Variants in IFT81 observed in about 807,000 individuals in gnomAD.
IFT81 encodes the protein intraflagellar transport 81, also known as intraflagellar transport protein 81 homolog.
In IFT81, 72 loss-of-function variants were observed where a neutral mutation model predicts 102.6. The ratio of observed to expected loss-of-function variants is 0.70; its 90% CI spans 0.58 to 0.85. IFT81 has a LOEUF of 0.85. Among genes scored for constraint, IFT81 ranks in the 40% least tolerant of loss-of-function variants. IFT81 has a pLI of 0.00. For missense variants in IFT81, 723 were observed against 787.3 expected, an observed-to-expected ratio of 0.92 and a Z score of 0.98; for synonymous variants, 237 against 242.7, an observed-to-expected ratio of 0.98 and a Z score of 0.22.
chr12:110,205,487 A>G lies in IFT81; in HGVS notation c.1689A>G (p.Arg563=). 4 of 1,603,642 alleles carry G rather than the reference A, an allele frequency of 2.5e-6. No individual in the cohort carries two copies. The highest frequency in any genetic ancestry group is 3.4e-6 in the Non-Finnish European group (4 of 1,176,206). Residue 563 remains arginine (R), a synonymous_variant, in exon 16 of 19, where the codon AGA becomes AGG. Coordinates refer to ENST00000242591, the MANE Select transcript of IFT81 (RefSeq NM_014055.4). ...AAGAATGTCTTCAAGAAGAAAGTAGATACCATTATACAAATTGTATGATTA... is the reference window on the plus strand; with the variant it reads ...AAGAATGTCTTCAAGAAGAAAGTAGGTACCATTATACAAATTGTATGATTA... ...LREECLQEES[R]YHYTNCMIKN...
At chr12:110,202,987 T>C (rs1256133368) in intron 14 of IFT81, among the ~76,000 whole-genome samples, 1 of 152,068 alleles carries the variant, frequency 6.6e-6, no homozygotes, top group African/African-American at 2.4e-5. Flanking sequence ...CAGCATAGGC[T>C]GGGTGCGGTG....
rs766362330 is a variant in IFT81 at position 110,134,902 on chromosome 12, G to C, written c.520-46G>C. Reference sequence around the variant, plus strand: ...AATAAAACCTTATCTGTTTCCTACAGACTGAGAATACTTTTTCTTATAAGG... The same window carrying C: ...AATAAAACCTTATCTGTTTCCTACACACTGAGAATACTTTTTCTTATAAGG... On this transcript the variant is annotated intron_variant, in intron 5 of 18. Coordinates refer to ENST00000242591, the MANE Select transcript of IFT81 (RefSeq NM_014055.4). The C allele has an allele frequency of 7.2e-6, 10 of 1,393,046 alleles. No individual in the cohort carries two copies. The Admixed American group carries it at 1.8e-4, about 25-fold the overall frequency. The allele number at this position is 1,393,046 out of a possible 1,614,324, so 86.3% of individuals were successfully genotyped here.
intron 14 of IFT81, among the ~76,000 whole-genome samples, chr12:110,198,215 C>T (rs1898100329): frequency 6.6e-6 from 1 of 150,896 alleles, no homozygotes; most frequent in South Asian, 2.1e-4. Context: ...TGAGTGTGCG[C>T]GTATGTGTGT....
At chr12:110,124,979 T>G (rs1893743581) in intron 1 of IFT81, 118 bp downstream of exon 1, 1 of 152,208 alleles carries the variant, frequency 6.6e-6, no homozygotes, top group South Asian at 2.1e-4. Context: ...TCAGTACATC[T>G]TTGTCCTTAT....
chr12:110,129,938 C>T (rs1482687846), intron 4 of IFT81, among the ~76,000 whole-genome samples: 1 of 151,772 alleles, frequency 6.6e-6, no homozygotes, highest in Non-Finnish European at 1.5e-5. Flanking sequence ...AATAGTTTGT[C>T]AATCTGTCTT....
At chr12:110,186,949 TTTTC>T (rs900060819) in intron 12 of IFT81, among the ~76,000 whole-genome samples, 2 of 152,162 alleles carry the variant, frequency 1.3e-5, no homozygotes, top group African/African-American at 4.8e-5. Context: ...GTGTTTTTCT[TTTTC>T]TTTTTTTCAT....
intron 11 of IFT81, among the ~76,000 whole-genome samples, chr12:110,179,767 T>TACACACACAC (rs1201027708): frequency 1.5e-5 from 1 of 66,820 alleles, no homozygotes; most frequent in Admixed American, 1.7e-4. Context: ...TATATATATA[T>TACACACACAC]ATATATACAC....
At chr12:110,163,950 G>C (rs895045439) in intron 11 of IFT81, among the ~76,000 whole-genome samples, 1 of 151,712 alleles carries the variant, frequency 6.6e-6, no homozygotes, top group Non-Finnish European at 1.5e-5. Flanking sequence ...AATTTATATT[G>C]GATTTAATTA....
rs770636591 is a variant in IFT81 at position 110,203,951 on chromosome 12, G to C, written c.1644+1G>C. The stretch of plus-strand genomic sequence containing the variant: ...AAGCAATCGGTCCAAATTAGAACAG[G>C]TAAGAAGAGAGTTTTTATTTTAACA... On this transcript the variant is annotated splice_donor_variant, in intron 15 of 18. Coordinates refer to ENST00000242591, the MANE Select transcript of IFT81 (RefSeq NM_014055.4). LOFTEE classifies it high-confidence loss of function. 6.2e-7 allele frequency: 1 copy of C among 1,601,610 alleles called. No individual in the cohort carries two copies. The highest frequency in any genetic ancestry group is 1.3e-5 in the African/African-American group (1 of 74,628).
At chr12:110,137,768 G>A (rs976056633) in intron 8 of IFT81, among the ~76,000 whole-genome samples, 4 of 151,150 alleles carry the variant, frequency 2.6e-5, no homozygotes, top group Non-Finnish European at 5.9e-5. Flanking sequence ...AATAAATAAA[G>A]GACTTAGCAT....
intron 12 of IFT81, among the ~76,000 whole-genome samples, chr12:110,186,192 T>A (rs1897520179): frequency 6.6e-6 from 1 of 152,234 alleles, no homozygotes; most frequent in African/African-American, 2.4e-5. Context: ...TTTAATTCCA[T>A]TGTCTTCTGA....
chr12:110,160,037 C>A (rs57530940), intron 10 of IFT81, among the ~76,000 whole-genome samples: 5 of 152,110 alleles, frequency 3.3e-5, no homozygotes, highest in Non-Finnish European at 5.9e-5. Context: ...TTGGGTGCTT[C>A]CTACTCCACC....
rs1894009858 is a variant in IFT81, at chr12:110,128,965, G to C, written c.264G>C (p.Gln88His). 4.3e-6 allele frequency: 7 copies of C among 1,613,506 alleles called. No individual in the cohort carries two copies. The highest frequency in any genetic ancestry group is 5.9e-6 in the Non-Finnish European group (7 of 1,179,784). Residue 88 changes from glutamine to histidine, a missense_variant, in exon 4 of 19, where the codon CAG becomes CAC. Coordinates refer to ENST00000242591, the MANE Select transcript of IFT81 (RefSeq NM_014055.4). ...TCTCTCTTAGGAGTACTTTTCGTCAGGGTTTGGTGATTGGAAGTAAACCTG... is the reference window on the plus strand; with the variant it reads ...TCTCTCTTAGGAGTACTTTTCGTCACGGTTTGGTGATTGGAAGTAAACCTG... ...GNATDMSTFR[Q>H]GLVIGSKPVI...
chr12:110,130,083 T>A (rs991993893), intron 4 of IFT81, among the ~76,000 whole-genome samples: 1 of 152,222 alleles, frequency 6.6e-6, no homozygotes, highest in Non-Finnish European at 1.5e-5. Context: ...TGAATATTTT[T>A]ATTTTTATCC....
intron 14 of IFT81, among the ~76,000 whole-genome samples, chr12:110,199,275 G>A (rs988164589): frequency 6.6e-6 from 1 of 151,916 alleles, no homozygotes; most frequent in African/African-American, 2.4e-5. Flanking sequence ...TCCCTTACAT[G>A]TTTTATACTT....
intron 13 of IFT81, among the ~76,000 whole-genome samples, chr12:110,191,873 T>C (rs1425699442): frequency 2.0e-5 from 3 of 151,986 alleles, no homozygotes; most frequent in African/African-American, 7.3e-5. Flanking sequence ...AAGGTTAGCA[T>C]GTAAGACCCT....
At chr12:110,153,338 G>A (rs866104248) in intron 10 of IFT81, among the ~76,000 whole-genome samples, 11 of 151,712 alleles carry the variant, frequency 7.3e-5, no homozygotes, top group Admixed American at 1.3e-4. Context: ...AGGTTTAAGC[G>A]ATTCTCCTGC....
chr12:110,214,090 A>G (rs548719915), intron 18 of IFT81, among the ~76,000 whole-genome samples: 1 of 152,336 alleles, frequency 6.6e-6, no homozygotes, highest in South Asian at 2.1e-4. Context: ...TACTGGGAGA[A>G]TAGTGAATTC....
At chr12:110,174,277 C>CAAAAAAAAAA (rs61353726) in intron 11 of IFT81, among the ~76,000 whole-genome samples, 1 of 35,256 alleles carries the variant, frequency 2.8e-5, no homozygotes, top group African/African-American at 1.1e-4. Context: ...GACTCCGTCT[C>CAAAAAAAAAA]AAAAAAAAAA....
Sources: gnomAD v4.1 joint callset for allele counts (sites outside exome capture counted in the v4.1 genomes callset) on GRCh38, gnomAD v4.1.1 for gene constraint, MANE v1.5 for transcripts, NCBI Gene and HGNC (gene_info 2026-07-23, HGNC 2026-07-21) for gene names.